RHEB: variants seen among roughly 807,000 people sequenced by gnomAD.
RHEB encodes the protein GTP-binding protein Rheb.
In RHEB, 2 loss-of-function variants were observed where a neutral mutation model predicts 28.8. The observed-to-expected ratio is 0.07, with a 90% CI of 0.03 to 0.22. The LOEUF is 0.22. Among genes scored for constraint, RHEB ranks in the 10% least tolerant of loss-of-function variants. The probability of loss-of-function intolerance (pLI) is 1.00; values close to 1 mark genes in which losing one functional copy is unlikely to be tolerated. For synonymous variants in RHEB, 69 were observed against 77.3 expected, an observed-to-expected ratio of 0.89 and a Z score of 0.56; for missense variants, 76 against 219.9, an observed-to-expected ratio of 0.35 and a Z score of 4.14.
chr7:151,471,258 C>A, intron 6 of RHEB, 136 bp downstream of exon 6: 3 of 633,674 alleles, frequency 4.7e-6, no homozygotes, highest in Non-Finnish European at 8.3e-6. Context: ...ACTTTTGCTT[C>A]TGCTGCACAC....
intron 1 of RHEB, 32 bp downstream of exon 1, chr7:151,519,428 G>T: frequency 7.2e-7 from 1 of 1,385,380 alleles, no homozygotes. Flanking sequence ...CCCCGGCGGC[G>T]CGAGGAGGCC....
chr7:151,484,338 C>T (rs867233449), intron 3 of RHEB, among the ~76,000 whole-genome samples: 4 of 151,830 alleles, frequency 2.6e-5, no homozygotes, highest in African/African-American at 9.7e-5. Flanking sequence ...AAGTATTAAC[C>T]CTTACAATGT....
chr7:151,501,834 G>T, intron 1 of RHEB: 1 of 480,720 alleles, frequency 2.1e-6, no homozygotes. Context: ...CCTACCAGCC[G>T]CTGCTGCCCA....
At chr7:151,515,638 A>C (rs974230956) in intron 1 of RHEB, among the ~76,000 whole-genome samples, 3 of 152,234 alleles carry the variant, frequency 2.0e-5, no homozygotes, top group Non-Finnish European at 4.4e-5. Flanking sequence ...ATACATAGCA[A>C]ATATTGTTTT....
At chr7:151,512,031 T>C (rs1803000814) in intron 1 of RHEB, among the ~76,000 whole-genome samples, 1 of 152,242 alleles carries the variant, frequency 6.6e-6, no homozygotes, top group Non-Finnish European at 1.5e-5. Context: ...AAGAATGACG[T>C]GACGAAGATA....
intron 1 of RHEB, chr7:151,502,754 A>G: frequency 6.6e-7 from 1 of 1,516,072 alleles, no homozygotes; most frequent in Non-Finnish European, 9.2e-7. Context: ...TAAAAATGGA[A>G]AAGCGACATA....
At chr7:151,487,807 A>C (rs1170733912) in intron 2 of RHEB, among the ~76,000 whole-genome samples, 1 of 152,202 alleles carries the variant, frequency 6.6e-6, no homozygotes, top group African/African-American at 2.4e-5. Context: ...ATCACCAGAG[A>C]ATCCATTTCC....
intron 1 of RHEB, among the ~76,000 whole-genome samples, chr7:151,507,305 A>T (rs1389566789): frequency 6.6e-6 from 1 of 152,206 alleles, no homozygotes; most frequent in Non-Finnish European, 1.5e-5. Flanking sequence ...AGAAATGTGT[A>T]GCTCCCCCTA....
chr7:151,495,729 T>A (rs1238841862), intron 1 of RHEB, among the ~76,000 whole-genome samples: 1 of 152,338 alleles, frequency 6.6e-6, no homozygotes, highest in Middle Eastern at 3.4e-3. Flanking sequence ...GGCCGGTGGA[T>A]TGCTTGACCC....
intron 3 of RHEB, among the ~76,000 whole-genome samples, chr7:151,478,749 C>T (rs924091089): frequency 6.6e-6 from 1 of 152,292 alleles, no homozygotes; most frequent in Admixed American, 6.5e-5. Flanking sequence ...GATTCTCCTG[C>T]CTCAGCCTCC....
At chr7:151,489,963 A>C (rs1356269828) in intron 2 of RHEB, among the ~76,000 whole-genome samples, 4 of 152,194 alleles carry the variant, frequency 2.6e-5, no homozygotes, top group Admixed American at 6.5e-5. Context: ...CTTCGTGTCT[A>C]ATATGCCAAT....
chr7:151,517,671 C>T (rs893741538), intron 1 of RHEB, among the ~76,000 whole-genome samples: 3 of 129,302 alleles, frequency 2.3e-5, no homozygotes, highest in African/African-American at 8.9e-5. Flanking sequence ...TTCAACTGGA[C>T]ATAAGGAACT....
At chr7:151,497,039 C>T (rs1429933186) in intron 1 of RHEB, among the ~76,000 whole-genome samples, 1 of 151,310 alleles carries the variant, frequency 6.6e-6, no homozygotes, top group Non-Finnish European at 1.5e-5. Context: ...CTGCCTGCCT[C>T]AGCCTCCCAA....
At chr7:151,473,917 CT>C (rs748354520) in intron 4 of RHEB, among the ~76,000 whole-genome samples, 2 of 152,194 alleles carry the variant, frequency 1.3e-5, no homozygotes, top group Non-Finnish European at 2.9e-5. Flanking sequence ...CTGAAAAAGA[CT>C]GGTGGGGAAA....
chr7:151,501,680 A>C (rs1046182018), intron 1 of RHEB, among the ~76,000 whole-genome samples: 1 of 152,250 alleles, frequency 6.6e-6, no homozygotes, highest in Non-Finnish European at 1.5e-5. Context: ...AATTGCCCCA[A>C]AGTGGAAACA....
Position 151,484,855 on chromosome 7 carries a change from C to A in RHEB, c.125-51G>T, listed in dbSNP as rs1035744398. 4 of 1,290,444 alleles carry A rather than the reference C, an allele frequency of 3.1e-6. No homozygotes were observed. In the African/African-American group the frequency reaches 5.9e-5, roughly 19 times the overall value. The allele number at this position is 1,290,444 out of a possible 1,614,324, so 79.9% of individuals were successfully genotyped here. On this transcript the variant is annotated intron_variant, in intron 2 of 7. Transcript: ENST00000262187. ...TTAGTTTAAAAAAATTAACTCGAAA[C>A]CACCTGAAGTTTGAACAATGACAAC...
intron 1 of RHEB, among the ~76,000 whole-genome samples, chr7:151,516,745 C>T (rs546408855): frequency 6.6e-6 from 1 of 151,978 alleles, no homozygotes; most frequent in Admixed American, 6.6e-5. Context: ...GACAAGTATC[C>T]TACTAGTCAA....
At chr7:151,495,818 T>G (rs920397549) in intron 1 of RHEB, among the ~76,000 whole-genome samples, 2 of 152,106 alleles carry the variant, frequency 1.3e-5, no homozygotes, top group Non-Finnish European at 2.9e-5. Flanking sequence ...CTGAGTGTGG[T>G]GATGTGTGCA....
At chr7:151,505,190 G>A (rs1228992825) in intron 1 of RHEB, among the ~76,000 whole-genome samples, 1 of 147,704 alleles carries the variant, frequency 6.8e-6, no homozygotes, top group East Asian at 1.9e-4. Flanking sequence ...ACGAAAAAGT[G>A]AACCGAGTTT....
Sources: allele counts gnomAD v4.1 joint callset (sites outside exome capture counted in the v4.1 genomes callset), GRCh38; gene constraint gnomAD v4.1.1; transcripts MANE v1.5; gene names NCBI Gene and HGNC (gene_info 2026-07-23, HGNC 2026-07-21).